The following XPO6 variants were observed in gnomAD, a reference collection of about 807,000 sequenced individuals.
The protein encoded by XPO6 is exportin-6.
In XPO6, 3 loss-of-function variants were observed where a neutral mutation model predicts 130.0. The ratio of observed to expected loss-of-function variants is 0.02; its 90% CI spans 0.01 to 0.06. The LOEUF is 0.06. XPO6 is among the 10% of genes least tolerant of loss of function. XPO6 has a pLI of 1.00. For synonymous variants in XPO6, 524 were observed against 548.9 expected (o/e 0.95, Z 0.63); for missense variants, 970 against 1,393.0 (o/e 0.70, Z 4.83).
intron 23 of XPO6, among the ~76,000 whole-genome samples, chr16:28,100,477 G>C (rs1369250559): frequency 6.6e-6 from 1 of 152,196 alleles, no homozygotes; most frequent in Non-Finnish European, 1.5e-5. Flanking sequence ...CCAAGACAAA[G>C]GAGAACAGGA....
intron 16 of XPO6, among the ~76,000 whole-genome samples, chr16:28,112,377 G>T (rs545027508): frequency 2.0e-5 from 3 of 152,208 alleles, no homozygotes; most frequent in Admixed American, 6.5e-5. Flanking sequence ...AGGAGAATCC[G>T]TGACAATCCA....
At chr16:28,188,917 C>A (rs555332997) in intron 1 of XPO6, among the ~76,000 whole-genome samples, 62 of 152,214 alleles carry the variant, frequency 4.1e-4, no homozygotes, top group African/African-American at 1.4e-3. Context: ...TCTCTCCCTC[C>A]GGTCACTACT....
intron 1 of XPO6, among the ~76,000 whole-genome samples, chr16:28,192,814 A>G (rs2043807090): frequency 6.6e-6 from 1 of 152,174 alleles, no homozygotes; most frequent in Non-Finnish European, 1.5e-5. Context: ...GAGGGGACAC[A>G]GGAAGGTTAC....
chr16:28,135,414 T>C, intron 9 of XPO6, 90 bp from the exon 10 acceptor site: 1 of 1,004,510 alleles, frequency 1.0e-6, no homozygotes, highest in Non-Finnish European at 1.5e-6. Context: ...AAATGGTGTC[T>C]ATGTTGATCA....
chr16:28,137,114 A>G (rs1206425788), intron 9 of XPO6, among the ~76,000 whole-genome samples: 2 of 152,258 alleles, frequency 1.3e-5, no homozygotes, highest in Non-Finnish European at 2.9e-5. Flanking sequence ...TCCCAGAACT[A>G]GTATCGTGCA....
chr16:28,179,515 C>A (rs2043583374), intron 2 of XPO6, among the ~76,000 whole-genome samples: 1 of 152,230 alleles, frequency 6.6e-6, no homozygotes, highest in Admixed American at 6.5e-5. Flanking sequence ...CTGTTCTAGA[C>A]TCTGAGTCTG....
At chr16:28,169,170 G>T (rs2043410417) in intron 5 of XPO6, among the ~76,000 whole-genome samples, 1 of 152,190 alleles carries the variant, frequency 6.6e-6, no homozygotes, top group Non-Finnish European at 1.5e-5. Context: ...GCACACAGCA[G>T]CCACCCCAGT....
At position 28,117,352 on chromosome 16, in the gene XPO6, G is replaced by A. The variant is rs1378649188; in HGVS notation, c.1970C>T (p.Thr657Ile). Residue 657 changes from threonine to isoleucine, a missense_variant, in exon 15 of 24, where the codon ACC becomes ATC. This residue lies in a region of XPO6 where 936 missense variants were observed against 1,306.8 expected (regional missense o/e 0.72). Transcript: ENST00000304658. ...TQQFVTLIST[T>I]MDAITPLIST... ...GATTAGAGGTGTGATTGCATCCATG[G>A]TAGTAGAGATGAGTGTCACGAACTG... 6.2e-7 allele frequency: 1 copy of A among 1,614,160 alleles called. No homozygotes were observed. The highest frequency in any genetic ancestry group is 2.2e-5 in the East Asian group (1 of 44,888).
At chr16:28,113,370 C>T (rs1201317644) in intron 15 of XPO6, among the ~76,000 whole-genome samples, 1 of 152,158 alleles carries the variant, frequency 6.6e-6, no homozygotes, top group Non-Finnish European at 1.5e-5. Context: ...CCTGGCATGT[C>T]ATCCAGGTCC....
intron 4 of XPO6, among the ~76,000 whole-genome samples, 198 bp from the exon 5 acceptor site, chr16:28,170,107 C>T (rs1357740219): frequency 1.3e-5 from 2 of 151,960 alleles, no homozygotes; most frequent in South Asian, 2.1e-4. Context: ...CTGAGACGGG[C>T]GGATCACCTG....
chr16:28,205,658 G>A (rs765561122), intron 1 of XPO6, among the ~76,000 whole-genome samples: 3 of 152,238 alleles, frequency 2.0e-5, no homozygotes, highest in East Asian at 1.9e-4. Flanking sequence ...GAAGTGTAAC[G>A]GTTATGAGCA....
chr16:28,156,144 G>A lies in XPO6; in HGVS notation c.1027C>T (p.Leu343Phe). Reference protein sequence around the residue: ...LLRMFQQTFYLLQKITKDNNA... With the variant: ...LLRMFQQTFYFLQKITKDNNA... ...TTATCCTTGGTGATTTTCTGCAGGA[G>A]GTAGAAAGTCTGCTGGAACATACGC... is the stretch of plus-strand genomic sequence containing the variant. The change falls in exon 7 of 24, where the codon CTC (leucine) becomes TTC (phenylalanine). Residue 343 changes from leucine (L) to phenylalanine (F), a missense_variant. Transcript: ENST00000304658. 6.2e-7 allele frequency: 1 copy of A among 1,614,104 alleles called. No individual in the cohort carries two copies. Among genetic ancestry groups the A allele is most frequent in the Non-Finnish European group, 8.5e-7 (1 of 1,179,988 alleles).
chr16:28,103,575 T>A (rs535616480), intron 21 of XPO6, among the ~76,000 whole-genome samples: 10 of 152,234 alleles, frequency 6.6e-5, no homozygotes, highest in Non-Finnish European at 1.5e-4. Flanking sequence ...GAAACTATTC[T>A]CCAAAGTGCC....
chr16:28,194,122 C>A (rs966876906), intron 1 of XPO6, among the ~76,000 whole-genome samples: 1 of 152,124 alleles, frequency 6.6e-6, no homozygotes, highest in South Asian at 2.1e-4. Flanking sequence ...CTCCCCCTCA[C>A]CAAGTAGCTA....
chr16:28,150,620 T>G (rs1355096754), intron 8 of XPO6, among the ~76,000 whole-genome samples: 1 of 152,144 alleles, frequency 6.6e-6, no homozygotes, highest in African/African-American at 2.4e-5. Context: ...GATGTTTCAC[T>G]TTCTTCTATA....
In XPO6 at chr16:28,107,600, G is replaced by C; in HGVS notation, c.2419C>G (p.Arg807Gly). The C allele has an allele frequency of 1.2e-6, 2 of 1,614,104 alleles. No homozygotes were observed. Among genetic ancestry groups the C allele is most frequent in the Non-Finnish European group, 8.5e-7 (1 of 1,180,008 alleles). The change falls in exon 18 of 24, where the codon CGA becomes GGA. Residue 807 changes from arginine to glycine, a missense_variant. Arg to Gly is a moderately radical substitution (Grantham distance 125). Transcript: ENST00000304658. ...ENISGESTKS[R>G]QICYQSLQES... ...TGCAGCGACTGGTAGCAAATCTGTC[G>C]AGACTTGGTGGACTCCCCCGAGATA... is the stretch of plus-strand genomic sequence containing the variant.
intron 1 of XPO6, among the ~76,000 whole-genome samples, chr16:28,197,269 A>G (rs1480517359): frequency 2.6e-5 from 4 of 152,118 alleles, no homozygotes; most frequent in Non-Finnish European, 4.4e-5. Context: ...AATAATGTGT[A>G]TTTTACTACA....
rs549190820 is a variant in XPO6, at chr16:28,117,273, A to G, written c.2004+45T>C. ...TAAATGGGTATAGGAACAGAAGGAG[A>G]GACAGAGAGTTAGATAAAAGGTGTA... On this transcript the variant is annotated intron_variant, in intron 15 of 23. Coordinates refer to ENST00000304658, the MANE Select transcript of XPO6 (RefSeq NM_015171.4). 3.1e-6 allele frequency: 5 copies of G among 1,608,588 alleles called. No homozygotes were observed. In the South Asian group the frequency reaches 5.5e-5, roughly 18 times the overall value.
In XPO6 at chr16:28,211,230, C is replaced by A. The variant is rs1210145221; in HGVS notation, c.3+136G>T. 2.0e-5 allele frequency: 17 copies of A among 867,406 alleles called. No homozygotes were observed. The South Asian group carries it at 2.3e-4, about 12-fold the overall frequency. 53.7% of individuals were successfully genotyped at this position (867,406 alleles called of 1,614,324 possible). Reference sequence around the variant, plus strand: ...GGGCCGGGGCTGCACACTCTGCACGCATGTGTCACCGGCCAGGCTCCGCAC... The same window carrying A: ...GGGCCGGGGCTGCACACTCTGCACGAATGTGTCACCGGCCAGGCTCCGCAC... On this transcript the variant is annotated intron_variant, in intron 1 of 23. Transcript: ENST00000304658.
Sources: allele counts gnomAD v4.1 joint callset (sites outside exome capture counted in the v4.1 genomes callset), GRCh38; gene constraint gnomAD v4.1.1; regional missense constraint gnomAD v4.1.1; transcripts MANE v1.5; gene names NCBI Gene and HGNC (gene_info 2026-07-23, HGNC 2026-07-21).